The following PCDHA3 variants were observed in gnomAD, a reference collection of about 807,000 sequenced individuals.
PCDHA3 encodes protocadherin alpha-3.
A neutral mutation model predicts 62.2 loss-of-function variants in PCDHA3; 41 were observed. That is an observed-to-expected ratio of 0.66 (90% confidence interval 0.51 to 0.86). The LOEUF is 0.86. Ranked by LOEUF, PCDHA3 falls within the 40% of genes least tolerant of loss-of-function variation. The pLI, the probability that PCDHA3 is intolerant of heterozygous loss-of-function variation, is 0.00. For missense variants in PCDHA3, 1,304 were observed against 1,241.2 expected, an observed-to-expected ratio of 1.05 and a Z score of -0.76; for synonymous variants, 640 against 555.4, an observed-to-expected ratio of 1.15 and a Z score of -2.14.
chr5:140,807,850 G>T, intron 1 of PCDHA3: 2 of 1,614,168 alleles, frequency 1.2e-6, no homozygotes, highest in South Asian at 2.2e-5. Context: ...GCAAACCCGA[G>T]TTGACTGGCA....
At chr5:140,896,089 G>GGATTA (rs2065370419) in intron 1 of PCDHA3, among the ~76,000 whole-genome samples, 1 of 152,010 alleles carries the variant, frequency 6.6e-6, no homozygotes, top group Non-Finnish European at 1.5e-5. Flanking sequence ...GGGATTACAG[G>GGATTA]CGTGAGCCAC....
intron 1 of PCDHA3, chr5:140,821,860 C>CAGCT (rs1193043307): frequency 6.2e-7 from 1 of 1,614,076 alleles, no homozygotes; most frequent in Non-Finnish European, 8.5e-7. Context: ...AGGGAGCGGC[C>CAGCT]AGCTCCACTA....
rs2150364461 is a variant in PCDHA3, at chr5:140,843,643, C to T, written c.2394+40052C>T. 81 of 1,595,634 alleles carry T rather than the reference C, an allele frequency of 5.1e-5. 5 individuals are homozygous for T. In the South Asian group the frequency reaches 8.1e-4, roughly 16 times the overall value. On this transcript the variant is annotated intron_variant, in intron 1 of 3. Transcript: ENST00000522353. ...AGACGGACCTCATGGCCTTCAGCCC[C>T]TGCCTTCCTCCTGATCTGGGATCAG...
intron 1 of PCDHA3, among the ~76,000 whole-genome samples, chr5:140,909,761 TC>T (rs1308608657): frequency 1.3e-5 from 2 of 152,052 alleles, no homozygotes; most frequent in Admixed American, 6.5e-5. Context: ...ACAGGATGAG[TC>T]CAGGGACCCA....
intron 1 of PCDHA3, among the ~76,000 whole-genome samples, chr5:140,909,261 G>A (rs1358542746): frequency 6.6e-6 from 1 of 152,226 alleles, no homozygotes; most frequent in Admixed American, 6.5e-5. Flanking sequence ...CTTGCTGACT[G>A]AAGGCAAATT....
intron 1 of PCDHA3, among the ~76,000 whole-genome samples, chr5:140,977,625 T>A (rs2096768746): frequency 6.6e-6 from 1 of 152,144 alleles, no homozygotes; most frequent in Non-Finnish European, 1.5e-5. Flanking sequence ...ATCCCAGAGT[T>A]GTAACTTTTT....
At position 140,832,108 on chromosome 5, in the gene PCDHA3, G is replaced by A. The variant is rs1023824002; in HGVS notation, c.2394+28517G>A. The stretch of plus-strand genomic sequence containing the variant: ...TTAAATGCCATGTTCTACATTAAAA[G>A]CAATTTAAAATGTGTGTTTCAAAGT... On this transcript the variant is annotated intron_variant, in intron 1 of 3. Transcript: ENST00000522353. Among the ~76,000 whole-genome samples the A allele has an allele frequency of 1.6e-4, 24 of 152,270 alleles. No homozygotes were observed. The South Asian group carries it at 2.3e-3, about 14-fold the overall frequency.
chr5:140,841,966 A>G, intron 1 of PCDHA3: 1 of 1,613,924 alleles, frequency 6.2e-7, no homozygotes, highest in Non-Finnish European at 8.5e-7. Context: ...TGACAGCCAC[A>G]GATGGGGGCA....
chr5:140,801,484 G>A lies in PCDHA3; in HGVS notation c.287G>A (p.Cys96Tyr). 6.2e-7 allele frequency: 1 copy of A among 1,614,138 alleles called. No homozygotes were observed. Among genetic ancestry groups the A allele is most frequent in the South Asian group, 1.1e-5 (1 of 91,076 alleles). Residue 96 changes from cysteine (C) to tyrosine (Y), a missense_variant, in exon 1 of 4, where the codon TGC becomes TAC. Coordinates refer to ENST00000522353, the MANE Select transcript of PCDHA3 (RefSeq NM_018906.3). ...VNSRIDREEL[C>Y]GRSAECSIHL... The stretch of plus-strand genomic sequence containing the variant: ...TCTCGGATAGACCGCGAGGAACTGT[G>A]CGGGCGGAGCGCGGAGTGCAGCATC...
intron 1 of PCDHA3, chr5:140,884,080 T>C (rs2059984285): frequency 6.2e-7 from 1 of 1,613,538 alleles, no homozygotes; most frequent in Non-Finnish European, 8.5e-7. Flanking sequence ...CGGGCTACAA[T>C]GCGTGGCTTT....
chr5:140,841,020 C>T (rs186269491), intron 1 of PCDHA3, among the ~76,000 whole-genome samples: 2 of 151,914 alleles, frequency 1.3e-5, no homozygotes, highest in African/African-American at 4.8e-5. Flanking sequence ...AGTATGAATG[C>T]CTCTGCAATT....
chr5:140,824,610 G>GTT (rs2150135229), intron 1 of PCDHA3: 11,616 of 94,826 alleles, frequency 0.12, 1,879 homozygotes, highest in Non-Finnish European at 0.13. Context: ...GCTAATTAAA[G>GTT]TTTTTTTTTT....
At chr5:140,835,560 G>T (rs2150238266) in intron 1 of PCDHA3, 1 of 1,613,902 alleles carries the variant, frequency 6.2e-7, no homozygotes, top group South Asian at 1.1e-5. Flanking sequence ...GACGCCCCGC[G>T]TTCCCTTCAA....
At chr5:140,949,745 T>C (rs114918785) in intron 1 of PCDHA3, among the ~76,000 whole-genome samples, 49 of 152,020 alleles carry the variant, frequency 3.2e-4, no homozygotes, top group African/African-American at 1.1e-3. Context: ...ACTGAAGTGC[T>C]TAGCCCATTC....
chr5:140,884,012 C>T, intron 1 of PCDHA3: 1 of 1,613,134 alleles, frequency 6.2e-7, no homozygotes, highest in Non-Finnish European at 8.5e-7. Context: ...CGAGCTGATG[C>T]CGCGGTCGGT....
intron 1 of PCDHA3, chr5:140,869,579 A>T: frequency 8.1e-6 from 13 of 1,614,178 alleles, no homozygotes; most frequent in Non-Finnish European, 1.0e-5. Context: ...GGAGCTTCTG[A>T]TGCTGACATT....
rs112458290 is a variant in PCDHA3, at chr5:140,842,855, A to G, written c.2394+39264A>G. 3.5e-3 allele frequency: 5,603 copies of G among 1,593,762 alleles called. 526 individuals carry two copies. The African/African-American group carries it at 0.06, about 17-fold the overall frequency. On this transcript the variant is annotated intron_variant, in intron 1 of 3. Coordinates refer to ENST00000522353, the MANE Select transcript of PCDHA3 (RefSeq NM_018906.3). ...GCTGTCGAGCTACATTTCGGTGCACACGGAGAGCGGCAAGGTGTACGCGCT... is the reference window on the plus strand; with the variant it reads ...GCTGTCGAGCTACATTTCGGTGCACGCGGAGAGCGGCAAGGTGTACGCGCT...
chr5:140,849,635 T>A (rs2150443379), intron 1 of PCDHA3: 1 of 1,598,758 alleles, frequency 6.3e-7, no homozygotes, highest in South Asian at 1.1e-5. Flanking sequence ...TAGACGCAGA[T>A]GCCAACGGGC....
rs142150910 is a variant in PCDHA3, at chr5:140,945,405, C to T, written c.2395-33544C>T. ...AGCAATATACAAATTCAATACAATTCGTATCAAAATTTCAATGAAGTTTTT... is the reference window on the plus strand; with the variant it reads ...AGCAATATACAAATTCAATACAATTTGTATCAAAATTTCAATGAAGTTTTT... On this transcript the variant is annotated intron_variant, in intron 1 of 3. Transcript: ENST00000522353. Among the ~76,000 whole-genome samples, 454 of 152,016 alleles carry T rather than the reference C, an allele frequency of 3.0e-3. 3 individuals are homozygous for T. Among genetic ancestry groups the T allele is most frequent in the African/African-American group, 9.6e-3 (400 of 41,488 alleles).
Sources: gnomAD v4.1 joint callset for allele counts (sites outside exome capture counted in the v4.1 genomes callset) on GRCh38, gnomAD v4.1.1 for gene constraint, MANE v1.5 for transcripts, NCBI Gene and HGNC (gene_info 2026-07-23, HGNC 2026-07-21) for gene names.